RBM19: variants seen among roughly 807,000 people sequenced by gnomAD.
RBM19 encodes the protein probable RNA-binding protein 19.
In RBM19, 94 loss-of-function variants were observed where a neutral mutation model predicts 116.8. That is an observed-to-expected ratio of 0.80 (90% confidence interval 0.68 to 0.95). The LOEUF (loss-of-function observed/expected upper bound fraction) is 0.95, where lower values mean the gene tolerates loss of function less well. Among genes scored for constraint, RBM19 ranks in the 40% least tolerant of loss-of-function variants. RBM19 has a pLI of 0.00. For synonymous variants in RBM19, 475 were observed against 494.1 expected, an observed-to-expected ratio of 0.96 and a Z score of 0.51; for missense variants, 1,161 against 1,220.7, an observed-to-expected ratio of 0.95 and a Z score of 0.73.
chr12:113,959,734 T>G, intron 4 of RBM19, 131 bp downstream of exon 4: 1 of 1,156,594 alleles, frequency 8.6e-7, no homozygotes, highest in Non-Finnish European at 1.3e-6. Context: ...TTCCCTTTCC[T>G]AGCCTCCACC....
intron 23 of RBM19, among the ~76,000 whole-genome samples, chr12:113,824,740 T>C (rs1242071379): frequency 6.6e-6 from 1 of 152,076 alleles, no homozygotes; most frequent in Non-Finnish European, 1.5e-5. Context: ...ATTTCACCTC[T>C]CTGAGCCTGT....
At chr12:113,829,867 A>C (rs1875216446) in intron 23 of RBM19, among the ~76,000 whole-genome samples, 3 of 152,238 alleles carry the variant, frequency 2.0e-5, no homozygotes, top group African/African-American at 7.2e-5. Flanking sequence ...GGCAGTGCCC[A>C]GCAAAGGGGA....
intron 21 of RBM19, among the ~76,000 whole-genome samples, chr12:113,894,634 T>C (rs1881198441): frequency 6.6e-6 from 1 of 152,240 alleles, no homozygotes; most frequent in African/African-American, 2.4e-5. Flanking sequence ...TCTCAAATTC[T>C]GCAGGGATGA....
chr12:113,818,129 G>A (rs959070199), downstream of RBM19: 1 of 151,216 alleles, frequency 6.6e-6, no homozygotes, highest in African/African-American at 2.4e-5. Context: ...GGGAGGCTGA[G>A]GCGGGACAAT....
intron 23 of RBM19, among the ~76,000 whole-genome samples, chr12:113,840,079 A>C (rs1377972074): frequency 6.6e-6 from 1 of 152,194 alleles, no homozygotes; most frequent in Admixed American, 6.5e-5. Context: ...AGGCGTTCCC[A>C]GTTCCTCTGA....
intron 16 of RBM19, among the ~76,000 whole-genome samples, chr12:113,934,623 G>A (rs553120064): frequency 3.3e-5 from 5 of 152,282 alleles, no homozygotes; most frequent in South Asian, 4.2e-4. Context: ...GGCAGAGTCC[G>A]ACAGAGCAAC....
chr12:113,879,701 C>T (rs1052674137), intron 21 of RBM19, among the ~76,000 whole-genome samples: 2 of 152,072 alleles, frequency 1.3e-5, no homozygotes, highest in Admixed American at 6.5e-5. Flanking sequence ...CCAGGAGAAT[C>T]ACTTGCTTCC....
chr12:113,839,268 G>A (rs571799052), intron 23 of RBM19, among the ~76,000 whole-genome samples: 1 of 152,200 alleles, frequency 6.6e-6, no homozygotes, highest in Non-Finnish European at 1.5e-5. Context: ...TGGGGAGAAG[G>A]GTCTGGCCAG....
downstream of RBM19, among the ~76,000 whole-genome samples, chr12:113,818,490 T>C (rs559919084): frequency 6.6e-6 from 1 of 152,362 alleles, no homozygotes; most frequent in African/African-American, 2.4e-5. Flanking sequence ...CCCCAGCCTC[T>C]GGACGTGGGC....
At position 113,927,054 on chromosome 12, in the gene RBM19, T is replaced by C; in HGVS notation, c.2244A>G (p.Glu748=). ...CCTCCTGGGCTGAGAAACCACTCAC[T>C]TCCTTCAGCTTCTCTTCTGTTGTGT... ...NFDTTEEKLK[E]VFSKVGTVKS... is the part of the protein sequence containing the mutation. Residue 748 remains glutamate, a splice_region_variant and synonymous_variant, in exon 17 of 24, where the codon GAA becomes GAG. Coordinates refer to ENST00000261741, the MANE Select transcript of RBM19 (RefSeq NM_016196.4). 6.2e-7 allele frequency: 1 copy of C among 1,612,502 alleles called. No homozygotes were observed. Among genetic ancestry groups the C allele is most frequent in the Admixed American group, 1.7e-5 (1 of 59,884 alleles).
rs372003109 is a variant in RBM19, at chr12:113,942,407, C to A, written c.1654G>T (p.Val552Leu). 4.4e-6 allele frequency: 7 copies of A among 1,608,538 alleles called. No individual in the cohort carries two copies. Among genetic ancestry groups the A allele is most frequent in the Non-Finnish European group, 8.5e-7 (1 of 1,179,874 alleles). The change falls in exon 14 of 24, where the codon GTG becomes TTG. Residue 552 changes from valine to leucine, a missense_variant. Val to Leu is a conservative substitution (Grantham distance 32). Transcript: ENST00000261741. The part of the protein sequence containing the change: ...HETKGSVAVR[V>L]ALGETQLVQE... ...ACGAGCTGGGTTTCCCCCAGAGCCA[C>A]GCGCACGGCCACGCTGCCCTTGGTC...
At position 113,966,257 on chromosome 12, in the gene RBM19, A is replaced by C; in HGVS notation, c.-30T>G. On this transcript the variant is annotated 5_prime_UTR_variant, in exon 1 of 24. Coordinates refer to ENST00000261741, the MANE Select transcript of RBM19 (RefSeq NM_016196.4). ...CAGGGTCCCCGCTGTTTTGATTCCA[A>C]CACGACTGGTCAGCGTCTTCCACCA... is the stretch of plus-strand genomic sequence containing the variant. The C allele has an allele frequency of 1.2e-6, 2 of 1,613,922 alleles. No homozygotes were observed. The highest frequency in any genetic ancestry group is 1.7e-6 in the Non-Finnish European group (2 of 1,179,966).
At chr12:113,963,112 G>A (rs546659297) in intron 1 of RBM19, among the ~76,000 whole-genome samples, 1 of 152,320 alleles carries the variant, frequency 6.6e-6, no homozygotes, top group East Asian at 1.9e-4. Context: ...TATTCCCACA[G>A]AGCTTCCAGA....
chr12:113,826,090 T>C (rs1398892031), intron 23 of RBM19, among the ~76,000 whole-genome samples: 4 of 152,282 alleles, frequency 2.6e-5, no homozygotes, highest in Admixed American at 2.6e-4. Context: ...CTGCTGTTCC[T>C]TTGGTCTGGA....
chr12:113,857,175 T>C (rs1207511587), intron 22 of RBM19, among the ~76,000 whole-genome samples: 8 of 152,200 alleles, frequency 5.3e-5, no homozygotes, highest in Admixed American at 5.2e-4. Flanking sequence ...CTCAGTGGAA[T>C]GCAGTGGAGA....
chr12:113,937,294 G>A lies in RBM19; in HGVS notation c.1939-158C>T. On this transcript the variant is annotated intron_variant, in intron 15 of 23. Coordinates refer to ENST00000261741, the MANE Select transcript of RBM19 (RefSeq NM_016196.4). ...AGCCCAGCCCAGAGCCCTGACTGCT[G>A]TCTACTCCCTGAGGACAACATTCGG... is the stretch of plus-strand genomic sequence containing the variant. The A allele has an allele frequency of 6.3e-6, 5 of 794,164 alleles. No individual in the cohort carries two copies. The South Asian group carries it at 9.9e-5, about 16-fold the overall frequency. The allele number at this position is 794,164 out of a possible 1,614,324, so 49.2% of individuals were successfully genotyped here. A position where few individuals can be genotyped will look rare whatever the true frequency, so the allele number is the denominator to read the frequency against.
In RBM19 at chr12:113,844,706, AGGG is replaced by A. The variant is rs757961439; in HGVS notation, c.2744_2746del (p.Thr915_Leu916delinsMet). 2 of 1,612,988 alleles carry A rather than the reference AGGG, an allele frequency of 1.2e-6. No individual in the cohort carries two copies. The highest frequency in any genetic ancestry group is 1.7e-5 in the Admixed American group (1 of 59,956). ...GGCCGTCTTCCGCCGCAGGGCCTGC[AGGG>A]TCACCTCGGAGTCGGCCCACTCCAG... On this transcript the variant is annotated inframe_deletion, in exon 23 of 24. Transcript: ENST00000261741.
intron 10 of RBM19, 98 bp from the exon 11 acceptor site, chr12:113,947,562 A>G (rs1350448318): frequency 3.0e-6 from 4 of 1,326,002 alleles, no homozygotes; most frequent in Non-Finnish European, 4.1e-6. Context: ...CTCACAGGTC[A>G]TGGGTGTCAT....
intron 21 of RBM19, among the ~76,000 whole-genome samples, chr12:113,890,624 G>A (rs1386230500): frequency 1.3e-5 from 2 of 152,210 alleles, no homozygotes; most frequent in Non-Finnish European, 2.9e-5. Flanking sequence ...GGCCACGGTG[G>A]AGAGACTGGT....
Sources: gnomAD v4.1 joint callset for allele counts (sites outside exome capture counted in the v4.1 genomes callset) on GRCh38, gnomAD v4.1.1 for gene constraint, MANE v1.5 for transcripts, NCBI Gene and HGNC (gene_info 2026-07-23, HGNC 2026-07-21) for gene names.